RFX7: variants seen among roughly 807,000 people sequenced by gnomAD.
RFX7 encodes the protein regulatory factor X7.
RFX7 carries 26 observed loss-of-function variants against 111.8 expected under a neutral mutation model. That is an observed-to-expected ratio of 0.23 (90% CI 0.17 to 0.32). RFX7 has a LOEUF of 0.32. Ranked by LOEUF, RFX7 falls within the 10% of genes least tolerant of loss-of-function variation. The pLI, the probability that RFX7 is intolerant of heterozygous loss-of-function variation, is 1.00. For synonymous variants in RFX7, 624 were observed against 624.4 expected, an observed-to-expected ratio of 1.00 and a Z score of 0.01; for missense variants, 1,573 against 1,772.9, an observed-to-expected ratio of 0.89 and a Z score of 2.02.
chr15:56,172,605 G>C (rs2042857321), intron 3 of RFX7, among the ~76,000 whole-genome samples: 1 of 152,154 alleles, frequency 6.6e-6, no homozygotes, highest in Non-Finnish European at 1.5e-5. Flanking sequence ...GTATAGAATT[G>C]AGCAAGTATT....
Position 56,096,142 on chromosome 15 carries a change from G to A in RFX7, c.1586C>T (p.Ala529Val), listed in dbSNP as rs1375597796. The change falls in exon 10 of 10, where the codon GCG (alanine) becomes GTG (valine). Residue 529 changes from alanine to valine, a missense_variant. Coordinates refer to ENST00000559447, the MANE Select transcript of RFX7 (RefSeq NM_022841.7). ...GACTTCCACAGCAGATGTTCCCCCC[G>A]CACTGCTGCTCCTGGACCCAGGAGA... ...LQSPGSRSSS[A>V]GGTSAVEVKV... 3.1e-6 allele frequency: 5 copies of A among 1,613,748 alleles called. No homozygotes were observed. The highest frequency in any genetic ancestry group is 4.2e-6 in the Non-Finnish European group (5 of 1,179,818).
intron 2 of RFX7, among the ~76,000 whole-genome samples, chr15:56,233,258 T>C (rs1282166183): frequency 6.6e-6 from 1 of 152,202 alleles, no homozygotes; most frequent in African/African-American, 2.4e-5. Flanking sequence ...ACATCTTACA[T>C]GGCAGCAGAC....
intron 3 of RFX7, among the ~76,000 whole-genome samples, chr15:56,154,285 A>G (rs937698345): frequency 2.0e-5 from 3 of 152,208 alleles, no homozygotes; most frequent in Admixed American, 2.0e-4. Flanking sequence ...AAACTACTTT[A>G]AACTACATAT....
chr15:56,165,047 G>A (rs763571855), intron 3 of RFX7, among the ~76,000 whole-genome samples: 19 of 152,154 alleles, frequency 1.2e-4, no homozygotes, highest in Non-Finnish European at 2.8e-4. Flanking sequence ...TAGACCATTA[G>A]GCATTAGTTA....
Position 56,105,131 on chromosome 15 carries a change from C to A in RFX7, c.402-1461G>T, listed in dbSNP as rs530106498. Among the ~76,000 whole-genome samples the A allele has an allele frequency of 7.2e-5, 11 of 152,252 alleles. No individual in the cohort carries two copies. In the South Asian group the frequency reaches 1.7e-3, roughly 23 times the overall value. On this transcript the variant is annotated intron_variant, in intron 5 of 9. Transcript: ENST00000559447. ...GCTCTTTTGCACCCCAGGGACTTGACCCATGTTGATTCCTCTACCTGGAAC... is the reference window on the plus strand; with the variant it reads ...GCTCTTTTGCACCCCAGGGACTTGAACCATGTTGATTCCTCTACCTGGAAC...
At chr15:56,101,832 T>C (rs1354030460) in intron 7 of RFX7, among the ~76,000 whole-genome samples, 4 of 152,226 alleles carry the variant, frequency 2.6e-5, no homozygotes, top group African/African-American at 9.6e-5. Context: ...ATCTTTCTAA[T>C]GTCAAAACTA....
intron 5 of RFX7, among the ~76,000 whole-genome samples, chr15:56,118,630 A>G (rs1458492509): frequency 6.6e-6 from 1 of 152,170 alleles, no homozygotes; most frequent in Admixed American, 6.5e-5. Flanking sequence ...AATCTTGGTT[A>G]TTGGGAATAG....
rs1202044580 is a variant in RFX7, at chr15:56,089,410, T to C, written c.*3935A>G. 1 of 152,498 alleles carries C rather than the reference T, an allele frequency of 6.6e-6. No individual in the cohort carries two copies. Among genetic ancestry groups the C allele is most frequent in the Non-Finnish European group, 1.5e-5 (1 of 67,998 alleles). 9.4% of individuals were successfully genotyped at this position (152,498 alleles called of 1,614,324 possible). On this transcript the variant is annotated 3_prime_UTR_variant, in exon 10 of 10. Coordinates refer to ENST00000559447, the MANE Select transcript of RFX7 (RefSeq NM_022841.7). ...TCTGGTGCCTGTAAACAATGAACCA[T>C]TGAATGAACCCTTGAACCTCCTATC...
intron 2 of RFX7, among the ~76,000 whole-genome samples, chr15:56,184,857 C>A (rs1567040209): frequency 6.6e-6 from 1 of 152,192 alleles, no homozygotes; most frequent in Admixed American, 6.5e-5. Context: ...CTTATAAAGA[C>A]AGAAGTTGGT....
intron 2 of RFX7, among the ~76,000 whole-genome samples, chr15:56,213,207 T>C (rs2043330176): frequency 6.6e-6 from 1 of 152,216 alleles, no homozygotes; most frequent in African/African-American, 2.4e-5. Flanking sequence ...CCCAGAGAAA[T>C]GCAGATTATG....
chr15:56,220,535 G>GT (rs140570621), intron 2 of RFX7, among the ~76,000 whole-genome samples: 19,754 of 149,204 alleles, frequency 0.13, 1,653 homozygotes, highest in East Asian at 0.43. Flanking sequence ...CTAGCCAAAT[G>GT]TTTTTTTTTT....
At position 56,087,587 on chromosome 15, in the gene RFX7, G is replaced by C. The variant is rs2041544344; in HGVS notation, c.*5758C>G. On this transcript the variant is annotated 3_prime_UTR_variant, in exon 10 of 10. Coordinates refer to ENST00000559447, the MANE Select transcript of RFX7 (RefSeq NM_022841.7). ...TAAGTGTCTCCACTTAACTGCAAGG[G>C]AAGTTGGCAGATGCAGCCTTTTGGT... The C allele has an allele frequency of 4.4e-6, 2 of 456,254 alleles. No individual in the cohort carries two copies. Among genetic ancestry groups the C allele is most frequent in the African/African-American group, 2.0e-5 (1 of 50,196 alleles). 28.3% of individuals were successfully genotyped at this position (456,254 alleles called of 1,614,324 possible). A position where few individuals can be genotyped will look rare whatever the true frequency, so the allele number is the denominator to read the frequency against.
At chr15:56,185,756 T>C (rs1185983774) in intron 2 of RFX7, among the ~76,000 whole-genome samples, 2 of 152,172 alleles carry the variant, frequency 1.3e-5, no homozygotes, top group Non-Finnish European at 2.9e-5. Context: ...GATGAGAAGT[T>C]TGTGGTCAGT....
At position 56,142,877 on chromosome 15, in the gene RFX7, C is replaced by G; in HGVS notation, c.302G>C (p.Ser101Thr). ...AAAGGCATGCATTTGTTGTGCCCGACTAGATGACATGGCATTCTGATCACT... is the reference window on the plus strand; with the variant it reads ...AAAGGCATGCATTTGTTGTGCCCGAGTAGATGACATGGCATTCTGATCACT... ...EKSDQNAMSS[S>T]RAQQMHAFSW... The change falls in exon 5 of 10, where the codon AGT (serine) becomes ACT (threonine). Residue 101 changes from serine (S) to threonine (T), a missense_variant. Physicochemically the swap from Ser to Thr is moderately conservative, Grantham distance 58. This residue lies in a region of RFX7 where 191 missense variants were observed against 194.2 expected (regional missense o/e 0.98). Coordinates refer to ENST00000559447, the MANE Select transcript of RFX7 (RefSeq NM_022841.7). 1 of 1,613,650 alleles carries G rather than the reference C, an allele frequency of 6.2e-7. No homozygotes were observed. Among genetic ancestry groups the G allele is most frequent in the Non-Finnish European group, 8.5e-7 (1 of 1,179,720 alleles).
At chr15:56,158,665 A>G (rs1413538724) in intron 3 of RFX7, among the ~76,000 whole-genome samples, 1 of 152,100 alleles carries the variant, frequency 6.6e-6, no homozygotes, top group African/African-American at 2.4e-5. Context: ...TTTACAAAAA[A>G]TACAAAAATT....
chr15:56,149,539 C>A (rs1223068248), intron 3 of RFX7, among the ~76,000 whole-genome samples: 1 of 152,182 alleles, frequency 6.6e-6, no homozygotes, highest in Non-Finnish European at 1.5e-5. Context: ...AATGTGTGTG[C>A]AGCCCACGGA....
rs567802735 is a variant in RFX7 at position 56,103,578 on chromosome 15, C to T, written c.494G>A (p.Arg165His). Residue 165 changes from arginine (R) to histidine (H), a missense_variant, in exon 6 of 10, where the codon CGT (arginine) becomes CAT (histidine). Arg to His is a conservative substitution (Grantham distance 29, BLOSUM62 0). Around this residue, in one of 7 missense-constraint regions of RFX7, gnomAD observed 11 missense variants for 30.4 expected, o/e 0.36. Coordinates refer to ENST00000559447, the MANE Select transcript of RFX7 (RefSeq NM_022841.7). ...KNVFPNMKAR[R>H]LGTRGKSKYC... The stretch of plus-strand genomic sequence containing the variant: ...TTTAGATTTGCCTCTTGTGCCCAAA[C>T]GACGTGCCTTCATGTTTGGAAAGAC... 2 of 1,606,652 alleles carry T rather than the reference C, an allele frequency of 1.2e-6. No homozygotes were observed. Among genetic ancestry groups the T allele is most frequent in the African/African-American group, 1.3e-5 (1 of 74,968 alleles).
chr15:56,234,970 G>A (rs542015347), intron 2 of RFX7, among the ~76,000 whole-genome samples: 5 of 152,296 alleles, frequency 3.3e-5, no homozygotes, highest in Admixed American at 1.3e-4. Flanking sequence ...GGGAGTTGAC[G>A]AAAGGTTCGT....
chr15:56,243,299 TGGGA>T lies in RFX7; in HGVS notation c.-2-16_-2-13del, dbSNP rs779546063. The stretch of plus-strand genomic sequence containing the variant: ...TTCCTCTGCCATCGCTGCAGAGGGG[TGGGA>T]GGGAGGGAGGGAAAGATGGGGGCGC... On this transcript the variant is annotated splice_polypyrimidine_tract_variant and intron_variant, in intron 1 of 9. Transcript: ENST00000559447. 16 of 55,140 alleles carry T rather than the reference TGGGA, an allele frequency of 2.9e-4. No homozygotes were observed. The highest frequency in any genetic ancestry group is 4.5e-4 in the Non-Finnish European group (13 of 28,694). The allele number at this position is 55,140 out of a possible 1,614,324, so 3.4% of individuals were successfully genotyped here. A position where few individuals can be genotyped will look rare whatever the true frequency, so the allele number is the denominator to read the frequency against.
Sources: gnomAD v4.1 joint callset for allele counts (sites outside exome capture counted in the v4.1 genomes callset) on GRCh38, gnomAD v4.1.1 for gene constraint, gnomAD v4.1.1 regional missense constraint, MANE v1.5 for transcripts, NCBI Gene and HGNC (gene_info 2026-07-23, HGNC 2026-07-21) for gene names.